Variants in KAZN observed in about 807,000 individuals in gnomAD.
KAZN encodes kazrin.
In KAZN, 40 loss-of-function variants were observed where a neutral mutation model predicts 87.4. The ratio of observed to expected loss-of-function variants is 0.46; its 90% CI spans 0.36 to 0.60. The LOEUF (loss-of-function observed/expected upper bound fraction) is 0.60. Ranked by LOEUF, KAZN falls within the 20% of genes least tolerant of loss-of-function variation. The probability of loss-of-function intolerance (pLI) is 0.00; values close to 1 mark genes in which losing one functional copy is unlikely to be tolerated. For missense variants in KAZN, 898 were observed against 1,073.9 expected (o/e 0.84, Z 2.29); for synonymous variants, 466 against 458.3 (o/e 1.02, Z -0.22).
chr1:14,706,804 C>A (rs7520134), intron 1 of KAZN, among the ~76,000 whole-genome samples: 1 of 151,908 alleles, frequency 6.6e-6, no homozygotes, highest in African/African-American at 2.4e-5. Context: ...CTGTTTCCTG[C>A]TGCCTGACTG....
In KAZN at chr1:14,787,571, G is replaced by A. The variant is rs181151806; in HGVS notation, c.227-173113G>A. 3.7e-3 allele frequency among the ~76,000 whole-genome samples: 559 copies of A among 152,310 alleles called. 3 individuals carry two copies. Among genetic ancestry groups the A allele is most frequent in the African/African-American group, 0.013 (522 of 41,564 alleles). The stretch of plus-strand genomic sequence containing the variant: ...ATGTCAAGTGCATAGTGAATTACCT[G>A]GAATATTGGTATGAGCTCAATTAAT... On this transcript the variant is annotated intron_variant, in intron 1 of 14. Coordinates refer to ENST00000376030, the MANE Select transcript of KAZN (RefSeq NM_201628.3).
intron 2 of KAZN, among the ~76,000 whole-genome samples, chr1:14,975,176 A>G (rs1356598855): frequency 6.6e-6 from 1 of 152,216 alleles, no homozygotes; most frequent in Non-Finnish European, 1.5e-5. Context: ...TGAGGGAAAG[A>G]GCAGAGAGTC....
intron 1 of KAZN, among the ~76,000 whole-genome samples, chr1:14,884,479 C>T (rs1653826060): frequency 1.3e-5 from 2 of 152,178 alleles, no homozygotes. Flanking sequence ...GTGTTTAAGA[C>T]TATGCATATA....
At chr1:14,915,298 T>A (rs1572816512) in intron 1 of KAZN, among the ~76,000 whole-genome samples, 1 of 152,318 alleles carries the variant, frequency 6.6e-6, no homozygotes, top group East Asian at 1.9e-4. Context: ...ATTAATTAAA[T>A]GGTAACTTTT....
At chr1:15,104,271 C>G (rs992939490) in intron 13 of KAZN, 82 bp downstream of exon 13, 1 of 1,315,704 alleles carries the variant, frequency 7.6e-7, no homozygotes. Flanking sequence ...GTCCAGCTCC[C>G]CATCCTGGCC....
chr1:14,822,431 C>G (rs16850908), intron 1 of KAZN, among the ~76,000 whole-genome samples: 1,834 of 152,262 alleles, frequency 0.012, 38 homozygotes, highest in African/African-American at 0.042. Flanking sequence ...CTCAGGGTTG[C>G]TTACATGGTG....
At chr1:14,446,057 G>A (rs1184237157) in intron 2 of KAZN, among the ~76,000 whole-genome samples, 2 of 151,832 alleles carry the variant, frequency 1.3e-5, no homozygotes, top group African/African-American at 4.8e-5. Flanking sequence ...TTAGCCAAGT[G>A]TGCTGGTGCA....
At chr1:14,510,888 G>A (rs1051365795) in intron 2 of KAZN, among the ~76,000 whole-genome samples, 4 of 152,136 alleles carry the variant, frequency 2.6e-5, no homozygotes, top group Non-Finnish European at 4.4e-5. Flanking sequence ...GGATGACTCT[G>A]AACAATTCAA....
chr1:14,238,343 C>T (rs1243777610), intron 2 of KAZN, among the ~76,000 whole-genome samples: 1 of 152,130 alleles, frequency 6.6e-6, no homozygotes, highest in Non-Finnish European at 1.5e-5. Flanking sequence ...GGAAAAGAAA[C>T]ATGTGAGACC....
intron 1 of KAZN, among the ~76,000 whole-genome samples, chr1:14,811,252 GT>G (rs112499487): frequency 0.19 from 29,581 of 152,074 alleles, 3,168 homozygotes; most frequent in African/African-American, 0.28. Flanking sequence ...TGGTATTTAT[GT>G]GTTTATATAA....
At chr1:14,621,224 G>A (rs1217240521) in intron 1 of KAZN, among the ~76,000 whole-genome samples, 2 of 152,232 alleles carry the variant, frequency 1.3e-5, no homozygotes, top group African/African-American at 2.4e-5. Flanking sequence ...GGTGGAAAGA[G>A]TGGGGCTTAC....
intron 1 of KAZN, among the ~76,000 whole-genome samples, chr1:14,002,658 C>A (rs1207035016): frequency 1.3e-5 from 2 of 152,068 alleles, no homozygotes; most frequent in Non-Finnish European, 1.5e-5. Flanking sequence ...AATGAGATAC[C>A]ATCTCATGCC....
chr1:14,646,425 C>A (rs1344959171), intron 1 of KAZN, among the ~76,000 whole-genome samples: 1 of 152,096 alleles, frequency 6.6e-6, no homozygotes, highest in Non-Finnish European at 1.5e-5. Context: ...CAGAACAAAA[C>A]AAATAAATGA....
At chr1:14,465,713 T>C (rs1338957502) in intron 2 of KAZN, among the ~76,000 whole-genome samples, 1 of 152,052 alleles carries the variant, frequency 6.6e-6, no homozygotes, top group African/African-American at 2.4e-5. Flanking sequence ...ACAGGCAGAG[T>C]AGAAAAGAAT....
intron 2 of KAZN, among the ~76,000 whole-genome samples, chr1:14,335,064 G>C (rs1280672594): frequency 6.6e-6 from 1 of 151,700 alleles, no homozygotes; most frequent in African/African-American, 2.4e-5. Flanking sequence ...GGCCTAAGAA[G>C]TGTTTGGGCC....
At chr1:15,050,093 C>CAGTAGAGTAGAGTAGAGTAGAGTAG (rs200055561) in intron 4 of KAZN, among the ~76,000 whole-genome samples, 1 of 100,272 alleles carries the variant, frequency 1.0e-5, no homozygotes, top group African/African-American at 3.9e-5. Flanking sequence ...CAGTAGAGTA[C>CAGTAGAGTAGAGTAGAGTAGAGTAG]AGTAGAGTAG....
At chr1:14,990,714 G>T (rs1196009301) in intron 2 of KAZN, among the ~76,000 whole-genome samples, 1 of 151,902 alleles carries the variant, frequency 6.6e-6, no homozygotes, top group Non-Finnish European at 1.5e-5. Flanking sequence ...AGCACGCCAG[G>T]TCTTGGGGGT....
At chr1:14,301,008 A>G (rs1378546532) in intron 2 of KAZN, among the ~76,000 whole-genome samples, 2 of 152,166 alleles carry the variant, frequency 1.3e-5, no homozygotes, top group East Asian at 1.9e-4. Flanking sequence ...ATTTATACCT[A>G]TGTCAGACTC....
chr1:14,499,517 G>T (rs1670126815), intron 2 of KAZN, among the ~76,000 whole-genome samples: 2 of 152,194 alleles, frequency 1.3e-5, no homozygotes, highest in African/African-American at 4.8e-5. Flanking sequence ...CAAAAGGGAG[G>T]TGTTTCTGAA....
Sources: gnomAD v4.1 joint callset for allele counts (sites outside exome capture counted in the v4.1 genomes callset) on GRCh38, gnomAD v4.1.1 for gene constraint, MANE v1.5 for transcripts, NCBI Gene and HGNC (gene_info 2026-07-23, HGNC 2026-07-21) for gene names.